HERC3: variants seen among roughly 807,000 people sequenced by gnomAD.
The protein encoded by HERC3 is HECT and RLD domain containing E3 ubiquitin protein ligase 3.
A neutral mutation model predicts 129.9 loss-of-function variants in HERC3; 58 were observed. The observed-to-expected ratio is 0.45, with a 90% confidence interval of 0.36 to 0.56. The LOEUF (loss-of-function observed/expected upper bound fraction) is 0.56, where lower values mean the gene tolerates loss of function less well. Ranked by LOEUF, HERC3 falls within the 20% of genes least tolerant of loss-of-function variation. The pLI, the probability that HERC3 is intolerant of heterozygous loss-of-function variation, is 0.00. For missense variants in HERC3, 835 were observed against 1,244.2 expected, an observed-to-expected ratio of 0.67 and a Z score of 4.95; for synonymous variants, 430 against 451.0, an observed-to-expected ratio of 0.95 and a Z score of 0.59.
the HERC3 span, among the ~76,000 whole-genome samples, chr4:88,561,677 A>T: frequency 0.4 from 61,279 of 151,756 alleles, 14,743 homozygotes; most frequent in African/African-American, 0.68. Context: ...CCTTTCCAAC[A>T]TCTAGTGACC....
At chr4:88,648,139 A>G (rs930112990) in intron 3 of HERC3, among the ~76,000 whole-genome samples, 2 of 151,914 alleles carry the variant, frequency 1.3e-5, no homozygotes, top group Admixed American at 6.6e-5. Flanking sequence ...TTTTTTTTCC[A>G]CAGTAACCTC....
the HERC3 span, among the ~76,000 whole-genome samples, chr4:88,570,766 A>T: frequency 5.5e-5 from 3 of 54,938 alleles, no homozygotes; most frequent in African/African-American, 9.2e-5. Flanking sequence ...TTTTATTTTT[A>T]TTTATTTATT....
intron 3 of HERC3, among the ~76,000 whole-genome samples, chr4:88,648,822 C>T (rs1463015503): frequency 6.6e-6 from 1 of 151,412 alleles, no homozygotes; most frequent in East Asian, 1.9e-4. Context: ...CTTTTTTCCC[C>T]TTCTGATTTT....
the HERC3 span, among the ~76,000 whole-genome samples, chr4:88,559,409 T>A: frequency 6.6e-6 from 1 of 152,226 alleles, no homozygotes; most frequent in Admixed American, 6.5e-5. Context: ...ATATATGTTG[T>A]ATCCTCTGAA....
intron 9 of HERC3, 95 bp downstream of exon 9, chr4:88,656,130 G>T (rs1729869271): frequency 2.5e-6 from 3 of 1,204,436 alleles, no homozygotes; most frequent in Admixed American, 4.6e-5. Flanking sequence ...GAGGTCTTTT[G>T]GAGGGAATGA....
chr4:88,703,911 T>C (rs956206291), intron 23 of HERC3, among the ~76,000 whole-genome samples, 187 bp from the exon 24 acceptor site: 5 of 152,130 alleles, frequency 3.3e-5, no homozygotes, highest in African/African-American at 1.2e-4. Context: ...CTTGGTGGAA[T>C]GTTAGGGCTG....
chr4:88,637,092 G>T (rs1162870799), intron 3 of HERC3, among the ~76,000 whole-genome samples: 1 of 151,950 alleles, frequency 6.6e-6, no homozygotes, highest in African/African-American at 2.4e-5. Flanking sequence ...TTGCACTACT[G>T]CACTCCAGCC....
intron 3 of HERC3, among the ~76,000 whole-genome samples, chr4:88,648,480 A>G (rs1226509585): frequency 6.6e-6 from 1 of 151,836 alleles, no homozygotes; most frequent in Non-Finnish European, 1.5e-5. Flanking sequence ...TCTTGATTGG[A>G]TGTTACTTTC....
At chr4:88,669,022 G>T (rs1215615573) in intron 14 of HERC3, among the ~76,000 whole-genome samples, 1 of 152,072 alleles carries the variant, frequency 6.6e-6, no homozygotes, top group Non-Finnish European at 1.5e-5. Flanking sequence ...AAGTTTTAGA[G>T]TTTTTTCATT....
At chr4:88,609,205 C>T (rs964463406) in intron 3 of HERC3, among the ~76,000 whole-genome samples, 2 of 151,750 alleles carry the variant, frequency 1.3e-5, no homozygotes, top group African/African-American at 4.8e-5. Flanking sequence ...GTCACTTGAG[C>T]CCTGGAGATC....
At chr4:88,591,796 AGAT>A (rs1721724271), upstream of HERC3, among the ~76,000 whole-genome samples, 4 of 152,154 alleles carry the variant, frequency 2.6e-5, no homozygotes, top group African/African-American at 9.7e-5. Context: ...AGTGTCTTTC[AGAT>A]TACAAGATTT....
chr4:88,654,387 T>TATATACACAC (rs1321614619), intron 7 of HERC3, among the ~76,000 whole-genome samples: 1 of 94,338 alleles, frequency 1.1e-5, no homozygotes, highest in African/African-American at 3.2e-5. Context: ...TATATATATA[T>TATATACACAC]ACACACACAC....
the HERC3 span, among the ~76,000 whole-genome samples, chr4:88,578,452 G>A: frequency 6.6e-6 from 1 of 151,824 alleles, no homozygotes. Context: ...TGTGGAGGGG[G>A]GCGCCTGTAG....
chr4:88,703,534 C>T (rs1280114171), intron 23 of HERC3, among the ~76,000 whole-genome samples: 1 of 152,126 alleles, frequency 6.6e-6, no homozygotes, highest in Non-Finnish European at 1.5e-5. Flanking sequence ...GTGCAAATGA[C>T]AATTCACTCG....
At chr4:88,526,425 C>T in the HERC3 span, among the ~76,000 whole-genome samples, 1 of 152,192 alleles carries the variant, frequency 6.6e-6, no homozygotes, top group African/African-American at 2.4e-5. Context: ...TAGATGGCAT[C>T]ATTTAGTATT....
At chr4:88,567,435 C>T in the HERC3 span, among the ~76,000 whole-genome samples, 1 of 152,132 alleles carries the variant, frequency 6.6e-6, no homozygotes, top group African/African-American at 2.4e-5. Context: ...CCTTTTCAGA[C>T]CATTTTCTAC....
At chr4:88,670,279 A>G (rs1465226249) in intron 16 of HERC3, 27 bp downstream of exon 16, 30 of 1,443,430 alleles carry the variant, frequency 2.1e-5, no homozygotes, top group Non-Finnish European at 2.8e-5. Context: ...CATATTTTAA[A>G]GCTTTAGTCT....
At chr4:88,634,140 C>T (rs1352663264) in intron 3 of HERC3, among the ~76,000 whole-genome samples, 3 of 152,162 alleles carry the variant, frequency 2.0e-5, no homozygotes, top group African/African-American at 7.2e-5. Flanking sequence ...AGGGGAGCCC[C>T]CACCCTTAGC....
At chr4:88,554,800 T>C in the HERC3 span, among the ~76,000 whole-genome samples, 1 of 152,180 alleles carries the variant, frequency 6.6e-6, no homozygotes, top group African/African-American at 2.4e-5. Flanking sequence ...TTTTGTCCTA[T>C]TTATTGGCCT....
Sources: allele counts gnomAD v4.1 joint callset (sites outside exome capture counted in the v4.1 genomes callset), GRCh38; gene constraint gnomAD v4.1.1; transcripts MANE v1.5; gene names NCBI Gene and HGNC (gene_info 2026-07-23, HGNC 2026-07-21).